KIDINS220: variants seen among roughly 807,000 people sequenced by gnomAD.
The protein encoded by KIDINS220 is kinase D-interacting substrate of 220 kDa.
A neutral mutation model predicts 157.6 loss-of-function variants in KIDINS220; 63 were observed. The observed-to-expected ratio is 0.40, with a 90% CI of 0.33 to 0.49. The LOEUF is 0.49. KIDINS220 is among the 20% of genes least tolerant of loss of function. KIDINS220 has a pLI of 0.66. For synonymous variants in KIDINS220, 732 were observed against 783.6 expected (o/e 0.93, Z 1.10); for missense variants, 1,772 against 2,171.2 (o/e 0.82, Z 3.65).
intron 1 of KIDINS220, among the ~76,000 whole-genome samples, chr2:8,833,945 G>C (rs1360081580): frequency 6.6e-6 from 1 of 152,168 alleles, no homozygotes; most frequent in Non-Finnish European, 1.5e-5. Context: ...TCCGGTTACA[G>C]ACACAGTGCA....
intron 22 of KIDINS220, among the ~76,000 whole-genome samples, chr2:8,752,760 G>A (rs1667539117): frequency 6.6e-6 from 1 of 151,888 alleles, no homozygotes; most frequent in African/African-American, 2.4e-5. Context: ...GTTTCCTATT[G>A]TAAAAGTAAT....
chr2:8,788,539 G>A, intron 15 of KIDINS220, 108 bp downstream of exon 15: 5 of 1,082,398 alleles, frequency 4.6e-6, no homozygotes, highest in Non-Finnish European at 6.7e-6. Flanking sequence ...AAAGTGCTGG[G>A]ATTACAAGCG....
At chr2:8,831,589 A>C (rs973543591) in intron 1 of KIDINS220, among the ~76,000 whole-genome samples, 1 of 152,184 alleles carries the variant, frequency 6.6e-6, no homozygotes, top group Non-Finnish European at 1.5e-5. Flanking sequence ...ACACCTGTGT[A>C]TACATCTAGT....
chr2:8,808,458 C>T (rs1675826831), intron 6 of KIDINS220, among the ~76,000 whole-genome samples: 1 of 152,182 alleles, frequency 6.6e-6, no homozygotes, highest in Non-Finnish European at 1.5e-5. Context: ...CTGCTCCTTC[C>T]CCTGCCTCAG....
At chr2:8,781,069 A>T (rs1671651643) in intron 17 of KIDINS220, among the ~76,000 whole-genome samples, 2 of 149,816 alleles carry the variant, frequency 1.3e-5, no homozygotes, top group Non-Finnish European at 3.0e-5. Flanking sequence ...ACACACGTAG[A>T]TTAAAAGTAA....
intron 2 of KIDINS220, among the ~76,000 whole-genome samples, chr2:8,824,337 T>G (rs929419380): frequency 1.3e-5 from 2 of 152,226 alleles, no homozygotes; most frequent in African/African-American, 4.8e-5. Flanking sequence ...TAAATGATAT[T>G]AGGTACCACA....
downstream of KIDINS220, among the ~76,000 whole-genome samples, chr2:8,727,858 A>G (rs562577090): frequency 1.3e-5 from 2 of 152,340 alleles, no homozygotes; most frequent in African/African-American, 4.8e-5. Context: ...GCTGATCCCT[A>G]AATACCCAGC....
intron 22 of KIDINS220, among the ~76,000 whole-genome samples, chr2:8,758,142 C>T (rs535462590): frequency 6.6e-5 from 10 of 152,306 alleles, no homozygotes; most frequent in South Asian, 4.1e-4. Context: ...GGATTACAGG[C>T]GTGAGCCACT....
At chr2:8,734,780 G>C in intron 27 of KIDINS220, 27 bp from the exon 28 acceptor site, 1 of 1,470,628 alleles carries the variant, frequency 6.8e-7, no homozygotes, top group South Asian at 1.2e-5. Context: ...ACAATTATGG[G>C]TATAAAGACA....
chr2:8,817,728 A>G lies in KIDINS220; in HGVS notation c.208-12T>C. 1 of 1,552,542 alleles carries G rather than the reference A, an allele frequency of 6.4e-7. No homozygotes were observed. Among genetic ancestry groups the G allele is most frequent in the South Asian group, 1.2e-5 (1 of 83,244 alleles). ...GCTGTCCAATTATCCTTGAACATAT[A>G]TTTTAAAAGTTATCATTTTCAAACC... On this transcript the variant is annotated splice_polypyrimidine_tract_variant and intron_variant, in intron 3 of 29. Coordinates refer to ENST00000256707, the MANE Select transcript of KIDINS220 (RefSeq NM_020738.4).
At chr2:8,806,215 C>G (rs935589409) in intron 7 of KIDINS220, 56 bp downstream of exon 7, 2 of 1,293,902 alleles carry the variant, frequency 1.5e-6, no homozygotes, top group Non-Finnish European at 2.2e-6. Context: ...TAAATTCTCT[C>G]TCTTAAAATA....
chr2:8,835,056 C>T (rs1373402707), intron 1 of KIDINS220, among the ~76,000 whole-genome samples: 3 of 152,012 alleles, frequency 2.0e-5, no homozygotes, highest in Non-Finnish European at 2.9e-5. Context: ...GCTATATTGC[C>T]GAGGCTGCTC....
At chr2:8,774,266 A>G (rs959652660) in intron 21 of KIDINS220, among the ~76,000 whole-genome samples, 1 of 150,760 alleles carries the variant, frequency 6.6e-6, no homozygotes, top group African/African-American at 2.4e-5. Context: ...ACTGCACTCC[A>G]GCCTGGGAGA....
chr2:8,731,663 A>G lies in KIDINS220; in HGVS notation c.4373T>C (p.Ile1458Thr). The G allele has an allele frequency of 6.2e-7, 1 of 1,614,226 alleles. No individual in the cohort carries two copies. The highest frequency in any genetic ancestry group is 1.1e-5 in the South Asian group (1 of 91,084). ...GGAAACCCCTGATGATGAATAATCG[A>G]TAACATCTCCCCTCTTCATTAGAAA... The part of the protein sequence containing the change: ...KSFLMKRGDV[I>T]DYSSSGVSTN... The change falls in exon 30 of 30, where the codon ATC (isoleucine) becomes ACC (threonine). Residue 1458 changes from isoleucine (I) to threonine (T), a missense_variant. Coordinates refer to ENST00000256707, the MANE Select transcript of KIDINS220 (RefSeq NM_020738.4). The surrounding 1 kb of genome is among the most constrained non-coding windows in gnomAD (Gnocchi z 5.2).
In KIDINS220 at chr2:8,770,837, T is replaced by C. The variant is rs1670110850; in HGVS notation, c.2849-5A>G. On this transcript the variant is annotated splice_region_variant and splice_polypyrimidine_tract_variant and intron_variant, in intron 21 of 29. Coordinates refer to ENST00000256707, the MANE Select transcript of KIDINS220 (RefSeq NM_020738.4). Reference sequence around the variant, plus strand: ...GATTGGCTCTCAGTAATCGTCCTTTTAAAAAATACAAAAGCATTTAAAAAT... The same window carrying C: ...GATTGGCTCTCAGTAATCGTCCTTTCAAAAAATACAAAAGCATTTAAAAAT... 6.4e-7 allele frequency: 1 copy of C among 1,573,232 alleles called. No individual in the cohort carries two copies. The highest frequency in any genetic ancestry group is 1.2e-5 in the South Asian group (1 of 83,486).
In KIDINS220 at chr2:8,790,289, C is replaced by T. The variant is rs370990476; in HGVS notation, c.1442-230G>A. 1.3e-3 allele frequency among the ~76,000 whole-genome samples: 203 copies of T among 152,286 alleles called. 2 individuals carry two copies. The highest frequency in any genetic ancestry group is 4.8e-3 in the African/African-American group (199 of 41,560). On this transcript the variant is annotated intron_variant, in intron 13 of 29. Transcript: ENST00000256707. ...TGACTCGCCACCCTCTCCTGCTTCA[C>T]GTGGAGGATGTACAAAACCCCTTCT...
Position 8,734,391 on chromosome 2 carries a change from T to G in KIDINS220, c.3816+264A>C, listed in dbSNP as rs1664582821. On this transcript the variant is annotated intron_variant, in intron 28 of 29. Transcript: ENST00000256707. ...ATGAGAGTTAAGGCAGGTGAAAGCA[T>G]GAAGAACCGGCAGGCGGCCTCTTCC... Among the ~76,000 whole-genome samples the G allele has an allele frequency of 2.6e-5, 4 of 152,158 alleles. No homozygotes were observed. The South Asian group carries it at 8.3e-4, about 32-fold the overall frequency.
intron 24 of KIDINS220, among the ~76,000 whole-genome samples, chr2:8,748,476 A>G (rs963879995): frequency 2.6e-5 from 4 of 152,358 alleles, no homozygotes; most frequent in East Asian, 3.9e-4. Flanking sequence ...ATGTTATTAC[A>G]AGTTCCTGGA....
At chr2:8,760,246 C>G (rs999825883) in intron 22 of KIDINS220, among the ~76,000 whole-genome samples, 2 of 152,204 alleles carry the variant, frequency 1.3e-5, no homozygotes, top group African/African-American at 4.8e-5. Context: ...AAAGCTTCTC[C>G]TCCATCTTCA....
Sources: gnomAD v4.1 joint callset for allele counts (sites outside exome capture counted in the v4.1 genomes callset) on GRCh38, gnomAD v4.1.1 for gene constraint, Gnocchi (gnomAD v3.1) non-coding constraint, MANE v1.5 for transcripts, NCBI Gene and HGNC (gene_info 2026-07-23, HGNC 2026-07-21) for gene names.